The following NUP153 variants were observed in gnomAD, a reference collection of about 807,000 sequenced individuals.
NUP153 encodes nucleoporin 153, also known as nuclear pore complex protein Nup153.
In NUP153, 27 loss-of-function variants were observed where a neutral mutation model predicts 134.6. The observed-to-expected ratio is 0.20, with a 90% CI of 0.15 to 0.28. The LOEUF is 0.28. Ranked by LOEUF, NUP153 falls within the 10% of genes least tolerant of loss-of-function variation. NUP153 has a pLI of 1.00. For synonymous variants in NUP153, 640 were observed against 623.5 expected, an observed-to-expected ratio of 1.03 and a Z score of -0.40; for missense variants, 1,821 against 1,731.3, an observed-to-expected ratio of 1.05 and a Z score of -0.92.
intron 20 of NUP153, chr6:17,619,572 G>A (rs994317062): frequency 6.6e-6 from 1 of 152,156 alleles, no homozygotes; most frequent in Admixed American, 6.5e-5. Context: ...CTTGAACAAA[G>A]AAGATTAGCA....
rs149022481 is a variant in NUP153, at chr6:17,640,067, G to A, written c.1721-3C>T. The A allele has an allele frequency of 3.6e-5, 56 of 1,538,892 alleles. No individual in the cohort carries two copies. The African/African-American group carries it at 6.3e-4, about 17-fold the overall frequency. Reference sequence around the variant, plus strand: ...GTTCACTGTAGTGACATGATGAGCTGTAATTTTTTTAAATTTAATAACATT... The same window carrying A: ...GTTCACTGTAGTGACATGATGAGCTATAATTTTTTTAAATTTAATAACATT... On this transcript the variant is annotated splice_polypyrimidine_tract_variant and splice_region_variant and intron_variant, in intron 14 of 21. Coordinates refer to ENST00000262077, the MANE Select transcript of NUP153 (RefSeq NM_005124.4).
chr6:17,634,068 T>A (rs536801458), intron 16 of NUP153, among the ~76,000 whole-genome samples: 3 of 152,132 alleles, frequency 2.0e-5, no homozygotes, highest in Non-Finnish European at 4.4e-5. Flanking sequence ...TCTATTTCAA[T>A]CAATTTCTGA....
At chr6:17,665,440 T>A (rs1427110030) in intron 8 of NUP153, 55 bp from the exon 9 acceptor site, 1 of 1,458,022 alleles carries the variant, frequency 6.9e-7, no homozygotes, top group Non-Finnish European at 9.4e-7. Context: ...CAATGATTCA[T>A]ATCTAAATTT....
At position 17,628,791 on chromosome 6, in the gene NUP153, C is replaced by G. The variant is rs775088751; in HGVS notation, c.3408G>C (p.Gly1136=). The change falls in exon 18 of 22, where the codon GGG becomes GGC. Residue 1136 remains glycine, a synonymous_variant. Coordinates refer to ENST00000262077, the MANE Select transcript of NUP153 (RefSeq NM_005124.4). The surrounding 1 kb of genome is among the most constrained non-coding windows in gnomAD (Gnocchi z 5.4). ...EPKCQPVFSF[G]NSEQTKDENS... is the part of the protein sequence containing the mutation. ...TCTCATCTTTGGTTTGCTCTGAATTCCCAAAGGAAAACACTGGTTGACACT... is the reference window on the plus strand; with the variant it reads ...TCTCATCTTTGGTTTGCTCTGAATTGCCAAAGGAAAACACTGGTTGACACT... The G allele has an allele frequency of 3.1e-6, 5 of 1,614,056 alleles. No individual in the cohort carries two copies. In the South Asian group the frequency reaches 4.4e-5, roughly 14 times the overall value.
intron 16 of NUP153, among the ~76,000 whole-genome samples, chr6:17,633,972 G>A (rs886507296): frequency 3.9e-5 from 6 of 152,140 alleles, no homozygotes; most frequent in African/African-American, 1.4e-4. Context: ...TTCTGAGCTT[G>A]TCACTGTAGT....
At chr6:17,677,703 A>C (rs1199889809) in intron 2 of NUP153, among the ~76,000 whole-genome samples, 1 of 148,614 alleles carries the variant, frequency 6.7e-6, no homozygotes, top group Non-Finnish European at 1.5e-5. Context: ...AGTGTCACAC[A>C]CTTGTTAAAG....
chr6:17,632,582 T>C, intron 17 of NUP153, 68 bp downstream of exon 17: 2 of 1,219,728 alleles, frequency 1.6e-6, no homozygotes, highest in Non-Finnish European at 2.3e-6. Context: ...TCTCAAATAC[T>C]TCATTTTTAA....
chr6:17,629,967 G>A (rs1036186730), intron 17 of NUP153, among the ~76,000 whole-genome samples: 2 of 152,156 alleles, frequency 1.3e-5, no homozygotes, highest in Non-Finnish European at 2.9e-5. Context: ...TAAACTCATA[G>A]ACATGCAAAA....
chr6:17,695,589 A>G (rs576094934), intron 1 of NUP153, among the ~76,000 whole-genome samples: 1 of 152,312 alleles, frequency 6.6e-6, no homozygotes, highest in Non-Finnish European at 1.5e-5. Context: ...CTTCGAGTTG[A>G]TTTCCACCGT....
chr6:17,639,679 C>T (rs1305837244), intron 15 of NUP153, among the ~76,000 whole-genome samples: 2 of 152,176 alleles, frequency 1.3e-5, no homozygotes, highest in East Asian at 1.9e-4. Context: ...TACTCTTATT[C>T]CTCACTGACC....
At position 17,637,509 on chromosome 6, in the gene NUP153, C is replaced by A; in HGVS notation, c.2108G>T (p.Ser703Ile). The change falls in exon 16 of 22, where the codon AGT (serine) becomes ATT (isoleucine). Residue 703 changes from serine to isoleucine, a missense_variant. Physicochemically the swap from Ser to Ile is moderately radical, Grantham distance 142. Coordinates refer to ENST00000262077, the MANE Select transcript of NUP153 (RefSeq NM_005124.4). ...KQTGIETPNK[S>I]GKTTLSASGT... Reference sequence around the variant, plus strand: ...TGATGCAGAAAGAGTTGTTTTGCCACTTTTATTTGGTGTTTCAATTCCAGT... The same window carrying A: ...TGATGCAGAAAGAGTTGTTTTGCCAATTTTATTTGGTGTTTCAATTCCAGT... 6.2e-7 allele frequency: 1 copy of A among 1,614,190 alleles called. No individual in the cohort carries two copies. Among genetic ancestry groups the A allele is most frequent in the East Asian group, 2.2e-5 (1 of 44,890 alleles).
At chr6:17,684,311 C>T (rs1478745130) in intron 2 of NUP153, among the ~76,000 whole-genome samples, 1 of 152,220 alleles carries the variant, frequency 6.6e-6, no homozygotes, top group African/African-American at 2.4e-5. Flanking sequence ...TACATCAGCA[C>T]TTGTTGCTTC....
At chr6:17,652,379 C>A (rs1561876668) in intron 11 of NUP153, among the ~76,000 whole-genome samples, 1 of 151,880 alleles carries the variant, frequency 6.6e-6, no homozygotes, top group Non-Finnish European at 1.5e-5. Flanking sequence ...CAATACCCTC[C>A]CCCCCAAATA....
intron 15 of NUP153, among the ~76,000 whole-genome samples, chr6:17,639,453 T>C (rs1032680139): frequency 1.3e-5 from 2 of 152,228 alleles, no homozygotes; most frequent in African/African-American, 4.8e-5. Context: ...ATTATTCTTA[T>C]CTGAGAACTA....
intron 2 of NUP153, among the ~76,000 whole-genome samples, chr6:17,676,474 C>T (rs1177756101): frequency 1.3e-5 from 2 of 152,100 alleles, no homozygotes; most frequent in Non-Finnish European, 2.9e-5. Flanking sequence ...ACCCCACCTT[C>T]CCGTTATTAA....
chr6:17,665,458 A>G, intron 8 of NUP153, 73 bp from the exon 9 acceptor site: 1 of 1,218,746 alleles, frequency 8.2e-7, no homozygotes, highest in Non-Finnish European at 1.2e-6. Context: ...TTTTGACAAT[A>G]GCTAACATGA....
rs1460160858 is a variant in NUP153, at chr6:17,706,889, C to G, written c.-502G>C. ...CCTCCGCCGCCGTTGCGCCTATTACCCCTGCTAAGGCGGCTGCCGCGGTCG... is the reference window on the plus strand; with the variant it reads ...CCTCCGCCGCCGTTGCGCCTATTACGCCTGCTAAGGCGGCTGCCGCGGTCG... On this transcript the variant is annotated 5_prime_UTR_variant, in exon 1 of 22. Transcript: ENST00000262077. The surrounding 1 kb of genome is among the most constrained non-coding windows in gnomAD (Gnocchi z 5.9). 6.1e-6 allele frequency: 1 copy of G among 162,898 alleles called. No individual in the cohort carries two copies. The highest frequency in any genetic ancestry group is 1.3e-5 in the Non-Finnish European group (1 of 74,166). The allele number at this position is 162,898 out of a possible 1,614,324, so 10.1% of individuals were successfully genotyped here. A position where few individuals can be genotyped will look rare whatever the true frequency, so the allele number is the denominator to read the frequency against.
chr6:17,652,076 A>G (rs1766524787), intron 11 of NUP153: 3 of 382,938 alleles, frequency 7.8e-6, no homozygotes, highest in African/African-American at 6.1e-5. Context: ...ATAAATAACC[A>G]AGGGGATAAG....
chr6:17,701,831 T>TTG (rs1180643494), intron 1 of NUP153, among the ~76,000 whole-genome samples: 3 of 15,054 alleles, frequency 2.0e-4, no homozygotes. Flanking sequence ...AGACTCTGTC[T>TTG]CGGGGGGGGG....
Sources: allele counts gnomAD v4.1 joint callset (sites outside exome capture counted in the v4.1 genomes callset), GRCh38; gene constraint gnomAD v4.1.1; non-coding constraint Gnocchi (gnomAD v3.1); transcripts MANE v1.5; gene names NCBI Gene and HGNC (gene_info 2026-07-23, HGNC 2026-07-21).